Variants in NDUFB2 observed in about 807,000 individuals in gnomAD.
The protein encoded by NDUFB2 is NADH:ubiquinone oxidoreductase subunit B2, also known as NADH dehydrogenase [ubiquinone] 1 beta subcomplex subunit 2, mitochondrial.
In NDUFB2, 13 loss-of-function variants were observed where a neutral mutation model predicts 13.4. The ratio of observed to expected loss-of-function variants is 0.97; its 90% confidence interval spans 0.63 to 1.54. The LOEUF (loss-of-function observed/expected upper bound fraction) is 1.54, where lower values mean the gene tolerates loss of function less well. Ranked by LOEUF, NDUFB2 falls within the 40% of genes most tolerant of loss-of-function variation. NDUFB2 has a pLI of 0.00. For missense variants in NDUFB2, 150 were observed against 139.7 expected (o/e 1.07, Z -0.37); for synonymous variants, 47 against 50.6 (o/e 0.93, Z 0.30).
intron 1 of NDUFB2, chr7:140,702,028 A>G: frequency 1.4e-6 from 1 of 702,302 alleles, no homozygotes; most frequent in Non-Finnish European, 2.6e-6. Context: ...TATGAAGACA[A>G]GATATTTTAA....
intron 1 of NDUFB2, chr7:140,702,076 A>G (rs1794905892): frequency 1.4e-6 from 1 of 701,934 alleles, no homozygotes; most frequent in African/African-American, 1.7e-5. Context: ...TGTGCTACAT[A>G]AAAGAGAATA....
At chr7:140,702,216 C>T (rs1794907721) in intron 1 of NDUFB2, among the ~76,000 whole-genome samples, 1 of 152,066 alleles carries the variant, frequency 6.6e-6, no homozygotes, top group Admixed American at 6.6e-5. Flanking sequence ...TTAGGAATAG[C>T]CCCAGTAGGT....
Position 140,696,782 on chromosome 7 carries a change from T to C in NDUFB2, c.38T>C (p.Val13Ala), listed in dbSNP as rs1407223503. The C allele has an allele frequency of 6.2e-7, 1 of 1,607,460 alleles. No individual in the cohort carries two copies. The highest frequency in any genetic ancestry group is 8.5e-7 in the Non-Finnish European group (1 of 1,177,494). Reference sequence around the variant, plus strand: ...ACTCGGCTGGCGTCTTTCGCTCGCGTTGGAGGCCGCCTTTTCAGAAGCGGC... The same window carrying C: ...ACTCGGCTGGCGTCTTTCGCTCGCGCTGGAGGCCGCCTTTTCAGAAGCGGC... ...ALTRLASFARVGGRLFRSGCA... is the reference protein window; with the variant it reads ...ALTRLASFARAGGRLFRSGCA... The change falls in exon 1 of 4, where the codon GTT (valine) becomes GCT (alanine). Residue 13 changes from valine (V) to alanine (A), a missense_variant. Physicochemically the swap from Val to Ala is moderately conservative, Grantham distance 64. Transcript: ENST00000247866.
Position 140,704,936 on chromosome 7 carries a change from G to GGT in NDUFB2, c.*5_*6dup. On this transcript the variant is annotated 3_prime_UTR_variant, in exon 3 of 4. Transcript: ENST00000247866. ...ATCCCTCCTGATGATGAAGACTGAA[G>GGT]GTGTAGACTCAGCCTCACTCTGTAC... The GGT allele has an allele frequency of 6.3e-7, 1 of 1,587,732 alleles. No individual in the cohort carries two copies. The highest frequency in any genetic ancestry group is 8.6e-7 in the Non-Finnish European group (1 of 1,165,606).
chr7:140,702,691 C>T, intron 1 of NDUFB2, 175 bp from the exon 2 acceptor site: 1 of 748,460 alleles, frequency 1.3e-6, no homozygotes. Context: ...TGCTGCTACA[C>T]ATGAAGCAAG....
At chr7:140,703,130 C>G in intron 2 of NDUFB2, 120 bp downstream of exon 2, 1 of 1,217,948 alleles carries the variant, frequency 8.2e-7, no homozygotes, top group African/African-American at 1.5e-5. Context: ...TTTGCCACCA[C>G]TTTTTCCATA....
chr7:140,697,093 C>A, intron 1 of NDUFB2: 1 of 586,186 alleles, frequency 1.7e-6, no homozygotes, highest in East Asian at 2.9e-5. Context: ...GGCCGCCTGC[C>A]CTCGGGAGAC....
chr7:140,697,147 C>T (rs1015306992), intron 1 of NDUFB2: 3 of 588,688 alleles, frequency 5.1e-6, no homozygotes, highest in South Asian at 2.0e-5. Flanking sequence ...GGCGCCGGCG[C>T]GGGCGGTCCA....
chr7:140,702,792 A>G lies in NDUFB2; in HGVS notation c.99-74A>G, dbSNP rs149067501. ...ACATTAGCGTTGGTTCTAGGATGTAACTCAGAGGAGTTTTGGATGACTTAA... is the reference window on the plus strand; with the variant it reads ...ACATTAGCGTTGGTTCTAGGATGTAGCTCAGAGGAGTTTTGGATGACTTAA... On this transcript the variant is annotated intron_variant, in intron 1 of 3. Transcript: ENST00000247866. The G allele has an allele frequency of 2.0e-3, 3,079 of 1,561,904 alleles. 62 individuals carry two copies. The African/African-American group carries it at 0.035, about 18-fold the overall frequency.
chr7:140,704,236 T>C (rs1794936091), intron 2 of NDUFB2, among the ~76,000 whole-genome samples: 1 of 152,206 alleles, frequency 6.6e-6, no homozygotes, highest in African/African-American at 2.4e-5. Flanking sequence ...AAGCAGTATG[T>C]AAGTTTTAGA....
At chr7:140,703,434 C>T (rs546059882) in intron 2 of NDUFB2, among the ~76,000 whole-genome samples, 47 of 151,808 alleles carry the variant, frequency 3.1e-4, no homozygotes, top group Non-Finnish European at 5.6e-4. Context: ...ACCCCCACGC[C>T]GGCTAATTTT....
intron 2 of NDUFB2, 48 bp from the exon 3 acceptor site, chr7:140,704,812 C>A: frequency 4.9e-6 from 6 of 1,222,770 alleles, no homozygotes; most frequent in Non-Finnish European, 6.9e-6. Context: ...ATTAGTTGCA[C>A]AGAATGTAAA....
At chr7:140,700,691 AG>A (rs1291512883) in intron 1 of NDUFB2, 3 of 151,956 alleles carry the variant, frequency 2.0e-5, no homozygotes, top group Admixed American at 1.3e-4. Context: ...CGGGAGGCTG[AG>A]GCAGGAGAAT....
rs1794944541 is a variant in NDUFB2, at chr7:140,704,878, G to GTATCCAC, written c.262_263insTATCCAC (p.Asp88ValfsTer10). The GTATCCAC allele has an allele frequency of 1.9e-6, 3 of 1,599,304 alleles. No individual in the cohort carries two copies. The Admixed American group carries it at 5.2e-5, about 28-fold the overall frequency. On this transcript the variant is annotated frameshift_variant, in exon 3 of 4. Coordinates refer to ENST00000247866, the MANE Select transcript of NDUFB2 (RefSeq NM_004546.3). LOFTEE classifies it high-confidence loss of function. ...TCACCAGGGTCACTTTCCGTATCCT[G>GTATCCAC]ATCCTTCCCAGTGGACAGATGAAGA...
At chr7:140,705,036 T>C in intron 3 of NDUFB2, 73 bp downstream of exon 3, 1 of 783,786 alleles carries the variant, frequency 1.3e-6, no homozygotes, top group Non-Finnish European at 1.9e-6. Context: ...TTTGTGCCTA[T>C]GATGGACTTG....
chr7:140,706,339 G>C (rs9691722), intron 3 of NDUFB2: 3 of 152,092 alleles, frequency 2.0e-5, no homozygotes, highest in African/African-American at 7.2e-5. Flanking sequence ...GCTTCCCAAA[G>C]TGTTGGGATT....
At chr7:140,697,354 A>G in intron 1 of NDUFB2, 1 of 702,898 alleles carries the variant, frequency 1.4e-6, no homozygotes, top group Non-Finnish European at 2.6e-6. Context: ...CTCTGGCTGC[A>G]GGGAGTGGAG....
chr7:140,697,031 A>G (rs1794818735), intron 1 of NDUFB2, 189 bp downstream of exon 1: 2 of 614,788 alleles, frequency 3.3e-6, no homozygotes, highest in Non-Finnish European at 5.7e-6. Context: ...GGAGAGGGAG[A>G]GACTTCGCTG....
At chr7:140,696,876 G>C (rs1193681464) in intron 1 of NDUFB2, 34 bp downstream of exon 1, 1 of 1,561,496 alleles carries the variant, frequency 6.4e-7, no homozygotes, top group South Asian at 1.2e-5. Flanking sequence ...GGCCTCGCCG[G>C]CCTGTAGCGG....
Sources: gnomAD v4.1 joint callset for allele counts (sites outside exome capture counted in the v4.1 genomes callset) on GRCh38, gnomAD v4.1.1 for gene constraint, MANE v1.5 for transcripts, NCBI Gene and HGNC (gene_info 2026-07-23, HGNC 2026-07-21) for gene names.